The following SNPH variants were observed in gnomAD, a reference collection of about 807,000 sequenced individuals.
SNPH encodes syntaphilin.
In SNPH, 10 loss-of-function variants were observed where a neutral mutation model predicts 36.8. The observed-to-expected ratio is 0.27, with a 90% confidence interval of 0.17 to 0.46. The LOEUF (loss-of-function observed/expected upper bound fraction) is 0.46, where lower values mean the gene tolerates loss of function less well. SNPH is among the 20% of genes least tolerant of loss of function. The pLI is 1.00. For synonymous variants in SNPH, 281 were observed against 312.2 expected, an observed-to-expected ratio of 0.90 and a Z score of 1.05; for missense variants, 622 against 744.0, an observed-to-expected ratio of 0.84 and a Z score of 1.91.
At chr20:1,278,316 T>A (rs2088177597) in intron 2 of SNPH, among the ~76,000 whole-genome samples, 1 of 152,150 alleles carries the variant, frequency 6.6e-6, no homozygotes, top group Admixed American at 6.6e-5. Flanking sequence ...CTAAGACAAC[T>A]CCTGTTTGCT....
intron 2 of SNPH, among the ~76,000 whole-genome samples, chr20:1,270,310 T>C (rs979192409): frequency 1.3e-5 from 2 of 151,446 alleles, no homozygotes; most frequent in African/African-American, 4.9e-5. Context: ...CCTAAACGTG[T>C]AGATATGAGA....
chr20:1,283,183 C>T (rs535655332), intron 2 of SNPH, among the ~76,000 whole-genome samples: 61 of 152,340 alleles, frequency 4.0e-4, no homozygotes, highest in African/African-American at 1.4e-3. Flanking sequence ...GCCCATTCTT[C>T]TTACCTGACA....
intron 2 of SNPH, among the ~76,000 whole-genome samples, chr20:1,267,535 A>T (rs958639828): frequency 6.6e-6 from 1 of 152,184 alleles, no homozygotes; most frequent in East Asian, 1.9e-4. Context: ...TTGGGGTTCT[A>T]GGCCCTTAAC....
intron 2 of SNPH, among the ~76,000 whole-genome samples, chr20:1,284,217 G>T (rs2088258456): frequency 6.6e-6 from 1 of 152,160 alleles, no homozygotes; most frequent in African/African-American, 2.4e-5. Context: ...AGAACACTGT[G>T]TGTAGAAAGG....
intron 5 of SNPH, among the ~76,000 whole-genome samples, chr20:1,298,804 T>TTGTGTGTGTGTG (rs3038999): frequency 1.1e-4 from 16 of 141,210 alleles, no homozygotes; most frequent in South Asian, 4.7e-4. Context: ...TTTTTCTAAT[T>TTGTGTGTGTGTG]TGTGTGTGTG....
chr20:1,274,041 C>T (rs2088102477), intron 2 of SNPH, among the ~76,000 whole-genome samples: 1 of 152,114 alleles, frequency 6.6e-6, no homozygotes, highest in Non-Finnish European at 1.5e-5. Context: ...ACACACACAA[C>T]AGGTGAGGCA....
Position 1,266,515 on chromosome 20 carries a change from G to T in SNPH, c.-600+118G>T. The stretch of plus-strand genomic sequence containing the variant: ...CCGCGGGCCGCGAGGAGGAGGGGAC[G>T]GAGCACCCGGCAGGCAGCCTGCCCT... On this transcript the variant is annotated intron_variant, in intron 1 of 6. Transcript: ENST00000381867. The surrounding 1 kb of genome is among the most constrained non-coding windows in gnomAD (Gnocchi z 6.0). The T allele has an allele frequency of 7.9e-7, 1 of 1,260,792 alleles. No individual in the cohort carries two copies. Among genetic ancestry groups the T allele is most frequent in the Non-Finnish European group, 1.0e-6 (1 of 971,284 alleles). The allele number at this position is 1,260,792 out of a possible 1,614,324, so 78.1% of individuals were successfully genotyped here.
rs368060602 is a variant in SNPH at position 1,305,655 on chromosome 20, C to A, written c.1218C>A (p.Asn406Lys). The change falls in exon 7 of 7, where the codon AAC (asparagine) becomes AAA (lysine). Residue 406 changes from asparagine (N) to lysine (K), a missense_variant. Coordinates refer to ENST00000381867, the MANE Select transcript of SNPH (RefSeq NM_001318234.2). ...ACCCTTCAGGGCCCAGAGACCCCAA[C>A]TCAGCAGTGGTGGTGACAGTGGGTG... ...DAHPSGPRDP[N>K]SAVVVTVGDE... The A allele has an allele frequency of 3.1e-6, 5 of 1,613,020 alleles. No homozygotes were observed. The highest frequency in any genetic ancestry group is 1.7e-5 in the Admixed American group (1 of 59,970).
rs764857472 is a variant in SNPH, at chr20:1,305,730, G to T, written c.1293G>T (p.Arg431=). The part of the protein sequence containing the change: ...EPITRGPTPQ[R]PGANPNPGQS... ...TCACCCGTGGACCCACCCCACAGCG[G>T]CCTGGTGCCAACCCCAACCCTGGCC... The change falls in exon 7 of 7, where the codon CGG becomes CGT. Residue 431 remains arginine (R), a synonymous_variant. Coordinates refer to ENST00000381867, the MANE Select transcript of SNPH (RefSeq NM_001318234.2). 8.7e-6 allele frequency: 14 copies of T among 1,610,894 alleles called. No individual in the cohort carries two copies. Among genetic ancestry groups the T allele is most frequent in the Admixed American group, 8.4e-5 (5 of 59,838 alleles).
chr20:1,272,280 G>A (rs1276778763), intron 2 of SNPH, among the ~76,000 whole-genome samples: 1 of 152,144 alleles, frequency 6.6e-6, no homozygotes, highest in African/African-American at 2.4e-5. Flanking sequence ...TGTAAAACTG[G>A]GAAATGATGT....
In SNPH at chr20:1,304,106, G is replaced by A. The variant is rs2088537093; in HGVS notation, c.441-772G>A. Among the ~76,000 whole-genome samples, 1 of 152,158 alleles carries A rather than the reference G, an allele frequency of 6.6e-6. No homozygotes were observed. The highest frequency in any genetic ancestry group is 6.5e-5 in the Admixed American group (1 of 15,274). On this transcript the variant is annotated intron_variant, in intron 6 of 6. Coordinates refer to ENST00000381867, the MANE Select transcript of SNPH (RefSeq NM_001318234.2). This position sits in a 1 kb window ranked among gnomAD's most constrained non-coding sequence, Gnocchi z 4.3. Reference sequence around the variant, plus strand: ...TGGACAAGAGTCTGCCGACTATCTTGTTCACCTGGTGCTTGCCCCCGTCGC... The same window carrying A: ...TGGACAAGAGTCTGCCGACTATCTTATTCACCTGGTGCTTGCCCCCGTCGC...
chr20:1,302,651 A>C (rs2122438864), intron 6 of SNPH, among the ~76,000 whole-genome samples: 1 of 152,352 alleles, frequency 6.6e-6, no homozygotes, highest in African/African-American at 2.4e-5. Flanking sequence ...CAACCACCAT[A>C]GTCCCTGGCA....
At chr20:1,283,432 ACAGAC>A (rs2088249576) in intron 2 of SNPH, among the ~76,000 whole-genome samples, 1 of 152,138 alleles carries the variant, frequency 6.6e-6, no homozygotes, top group East Asian at 1.9e-4. Flanking sequence ...AACAAACAAC[ACAGAC>A]CAGTTATAAG....
chr20:1,285,839 G>T lies in SNPH; in HGVS notation c.-492-9112G>T, dbSNP rs1426714576. Among the ~76,000 whole-genome samples, 1 of 152,206 alleles carries T rather than the reference G, an allele frequency of 6.6e-6. No individual in the cohort carries two copies. The highest frequency in any genetic ancestry group is 1.5e-5 in the Non-Finnish European group (1 of 68,046). On this transcript the variant is annotated intron_variant, in intron 2 of 6. Coordinates refer to ENST00000381867, the MANE Select transcript of SNPH (RefSeq NM_001318234.2). The surrounding 1 kb of genome is among the most constrained non-coding windows in gnomAD (Gnocchi z 4.9). ...TGGCCGGGTGCAGTGGCTCATGCCT[G>T]TAATCCCAGCACTTTGGGAGGCCAA...
chr20:1,284,855 G>T lies in SNPH; in HGVS notation c.-492-10096G>T, dbSNP rs575413013. Among the ~76,000 whole-genome samples the T allele has an allele frequency of 3.9e-5, 6 of 152,316 alleles. No homozygotes were observed. The South Asian group carries it at 1.2e-3, about 32-fold the overall frequency. ...GAAAAGGCTTTAGCCTCTATTGAAAGGAAGGACCGTTGGAGGGGTTTTGAG... is the reference window on the plus strand; with the variant it reads ...GAAAAGGCTTTAGCCTCTATTGAAATGAAGGACCGTTGGAGGGGTTTTGAG... On this transcript the variant is annotated intron_variant, in intron 2 of 6. Coordinates refer to ENST00000381867, the MANE Select transcript of SNPH (RefSeq NM_001318234.2).
rs1197565211 is a variant in SNPH, at chr20:1,295,768, C to T, written c.-464-8C>T. 1 of 161,076 alleles carries T rather than the reference C, an allele frequency of 6.2e-6. No homozygotes were observed. The highest frequency in any genetic ancestry group is 1.3e-5 in the Non-Finnish European group (1 of 74,476). 10.0% of individuals were successfully genotyped at this position (161,076 alleles called of 1,614,324 possible). A position where few individuals can be genotyped will look rare whatever the true frequency, so the allele number is the denominator to read the frequency against. On this transcript the variant is annotated splice_polypyrimidine_tract_variant and splice_region_variant and intron_variant, in intron 3 of 6. Transcript: ENST00000381867. ...CTGGTACGTTGGTCTGTCTTGTCTC[C>T]CCTGTAGACGGGAAGCCCCGAACCA...
chr20:1,270,526 A>C (rs969052947), intron 2 of SNPH, among the ~76,000 whole-genome samples: 2 of 152,222 alleles, frequency 1.3e-5, no homozygotes, highest in East Asian at 1.9e-4. Context: ...GTTTCCAAAC[A>C]GCCCTAAAGA....
chr20:1,278,119 T>C (rs2088173625), intron 2 of SNPH, among the ~76,000 whole-genome samples: 2 of 151,092 alleles, frequency 1.3e-5, no homozygotes, highest in Non-Finnish European at 3.0e-5. Context: ...TTTGTGTGTG[T>C]ATCTGTGTGT....
chr20:1,302,726 C>T (rs985209628), intron 6 of SNPH, among the ~76,000 whole-genome samples: 1 of 152,276 alleles, frequency 6.6e-6, no homozygotes, highest in African/African-American at 2.4e-5. Context: ...TGGGATCACG[C>T]TGTATGCATG....
Sources: gnomAD v4.1 joint callset for allele counts (sites outside exome capture counted in the v4.1 genomes callset) on GRCh38, gnomAD v4.1.1 for gene constraint, Gnocchi (gnomAD v3.1) non-coding constraint, MANE v1.5 for transcripts, NCBI Gene and HGNC (gene_info 2026-07-23, HGNC 2026-07-21) for gene names.